The following TMEM217 variants were observed in gnomAD, a reference collection of about 807,000 sequenced individuals.
TMEM217 encodes chromosome 6 open reading frame 128.
For synonymous variants in TMEM217, 76 were observed against 88.3 expected, an observed-to-expected ratio of 0.86 and a Z score of 0.78; for missense variants, 204 against 248.8, an observed-to-expected ratio of 0.82 and a Z score of 1.21.
At chr6:37,213,283 C>T (rs1763006308), downstream of TMEM217, among the ~76,000 whole-genome samples, 1 of 152,218 alleles carries the variant, frequency 6.6e-6, no homozygotes, top group South Asian at 2.1e-4. Context: ...AAAAAGAGTG[C>T]TCCTGTTGAT....
intron 1 of TMEM217, among the ~76,000 whole-genome samples, chr6:37,245,136 C>G (rs1764983510): frequency 6.6e-6 from 1 of 152,190 alleles, no homozygotes. Context: ...TGAGGAAGTC[C>G]AACAAGATGA....
At chr6:37,255,683 C>CAA (rs56891432) in intron 1 of TMEM217, among the ~76,000 whole-genome samples, 1,890 of 102,438 alleles carry the variant, frequency 0.018, 43 homozygotes, top group African/African-American at 0.06. Context: ...GACCTGGTCT[C>CAA]AAAAAAAAAA....
At chr6:37,218,235 T>A in exon 2 of TMEM217, 1 of 1,317,634 alleles carries the variant, frequency 7.6e-7, no homozygotes, top group Non-Finnish European at 9.8e-7. Context: ...ACTGGCGCAA[T>A]CTCGGCTCAC....
chr6:37,235,736 G>A (rs1413982238), intron 1 of TMEM217, among the ~76,000 whole-genome samples: 1 of 152,172 alleles, frequency 6.6e-6, no homozygotes, highest in Non-Finnish European at 1.5e-5. Flanking sequence ...GTCTGGTGAG[G>A]ACTGCTCTCT....
At chr6:37,242,783 G>A (rs1285416931) in intron 1 of TMEM217, among the ~76,000 whole-genome samples, 13 of 152,106 alleles carry the variant, frequency 8.5e-5, no homozygotes, top group Non-Finnish European at 2.9e-5. Flanking sequence ...AGGGCTCTAG[G>A]TTGGCATCTG....
At chr6:37,233,906 C>T (rs1306678104) in intron 1 of TMEM217, among the ~76,000 whole-genome samples, 1 of 152,162 alleles carries the variant, frequency 6.6e-6, no homozygotes, top group Non-Finnish European at 1.5e-5. Context: ...AGTACCCATA[C>T]AGCCATTCTG....
intron 1 of TMEM217, among the ~76,000 whole-genome samples, chr6:37,238,036 A>G (rs1261340922): frequency 1.3e-5 from 2 of 152,284 alleles, no homozygotes; most frequent in African/African-American, 2.4e-5. Flanking sequence ...AGGTGTCTAT[A>G]TATTATTTAC....
chr6:37,223,326 T>A (rs1486536440), intron 1 of TMEM217, among the ~76,000 whole-genome samples: 1 of 152,084 alleles, frequency 6.6e-6, no homozygotes, highest in African/African-American at 2.4e-5. Context: ...GTACTCAAAC[T>A]ATGGAACACC....
chr6:37,238,905 C>T (rs1050056291), intron 1 of TMEM217, among the ~76,000 whole-genome samples: 2 of 152,124 alleles, frequency 1.3e-5, no homozygotes, highest in Admixed American at 6.5e-5. Context: ...CCAAGGCAGG[C>T]AGATCACCTG....
At chr6:37,224,158 T>C in intron 1 of TMEM217, among the ~76,000 whole-genome samples, 1 of 149,776 alleles carries the variant, frequency 6.7e-6, no homozygotes, top group East Asian at 2.1e-4. Flanking sequence ...AGGCTGGTCT[T>C]GAACTCCTGA....
chr6:37,225,198 T>TA (rs1451984358), intron 1 of TMEM217, among the ~76,000 whole-genome samples: 2 of 151,240 alleles, frequency 1.3e-5, no homozygotes, highest in Middle Eastern at 3.4e-3. Flanking sequence ...AGACTCTGAC[T>TA]AAAAAAAAGA....
chr6:37,252,930 GT>G (rs139289808), intron 1 of TMEM217, among the ~76,000 whole-genome samples: 4,823 of 151,968 alleles, frequency 0.032, 247 homozygotes, highest in African/African-American at 0.11. Context: ...GTGAGCTACT[GT>G]TACCCAGGTG....
At chr6:37,242,694 C>A (rs1304831547) in intron 1 of TMEM217, among the ~76,000 whole-genome samples, 2 of 152,168 alleles carry the variant, frequency 1.3e-5, no homozygotes, top group Non-Finnish European at 2.9e-5. Flanking sequence ...GTATCTAATA[C>A]TCCCACTTCC....
intron 1 of TMEM217, among the ~76,000 whole-genome samples, chr6:37,226,119 G>A (rs760589561): frequency 6.6e-6 from 1 of 151,954 alleles, no homozygotes; most frequent in Non-Finnish European, 1.5e-5. Flanking sequence ...CTTTGACTTT[G>A]CTCTTTTGAA....
chr6:37,224,017 A>G (rs998312053), intron 1 of TMEM217, among the ~76,000 whole-genome samples: 9 of 148,708 alleles, frequency 6.1e-5, no homozygotes, highest in Non-Finnish European at 1.3e-4. Flanking sequence ...GCTCACTGCA[A>G]CCTCCGCCTC....
At chr6:37,215,994 GGTGTGTGTGTGTGTGTGTGT>G (rs60725183), downstream of TMEM217, among the ~76,000 whole-genome samples, 2 of 149,182 alleles carry the variant, frequency 1.3e-5, no homozygotes, top group South Asian at 2.1e-4. Context: ...GGTTCTTCAG[GGTGTGTGTGTGTGTGTGTGT>G]GTGTGTGTGT....
chr6:37,243,440 G>C (rs909493425), intron 1 of TMEM217, among the ~76,000 whole-genome samples: 2 of 152,206 alleles, frequency 1.3e-5, no homozygotes, highest in Non-Finnish European at 2.9e-5. Flanking sequence ...TAATTGCCCA[G>C]TGGGTTCTTC....
At chr6:37,246,921 C>A (rs1277340624) in intron 1 of TMEM217, among the ~76,000 whole-genome samples, 1 of 150,210 alleles carries the variant, frequency 6.7e-6, no homozygotes, top group African/African-American at 2.4e-5. Context: ...AAAAAAAATT[C>A]TCAGAAGATG....
chr6:37,243,701 C>A (rs564263329), intron 1 of TMEM217, among the ~76,000 whole-genome samples: 1 of 152,120 alleles, frequency 6.6e-6, no homozygotes, highest in Non-Finnish European at 1.5e-5. Flanking sequence ...TGGGTTCAAG[C>A]GATTCTCCTG....
Sources: gnomAD v4.1 joint callset for allele counts (sites outside exome capture counted in the v4.1 genomes callset) on GRCh38, gnomAD v4.1.1 for gene constraint, MANE v1.5 for transcripts, NCBI Gene and HGNC (gene_info 2026-07-23, HGNC 2026-07-21) for gene names.